NR1I2: variants seen among roughly 807,000 people sequenced by gnomAD.
NR1I2 encodes the protein orphan nuclear receptor PAR1.
In NR1I2, 42 loss-of-function variants were observed where a neutral mutation model predicts 43.3. The observed-to-expected ratio is 0.97, with a 90% CI of 0.76 to 1.26. The LOEUF is 1.26. NR1I2 is among the 50% of genes most tolerant of loss of function. NR1I2 has a pLI of 0.00. For synonymous variants in NR1I2, 229 were observed against 215.0 expected (o/e 1.06, Z -0.57); for missense variants, 559 against 566.7 (o/e 0.99, Z 0.14).
chr3:119,816,510 GTC>G (rs1355253516), intron 8 of NR1I2, among the ~76,000 whole-genome samples: 6 of 152,144 alleles, frequency 3.9e-5, no homozygotes, highest in African/African-American at 1.2e-4. Flanking sequence ...TCCCACGGAA[GTC>G]TCTGTGTACA....
chr3:119,784,688 C>T (rs2054820109), intron 1 of NR1I2, among the ~76,000 whole-genome samples: 1 of 152,160 alleles, frequency 6.6e-6, no homozygotes, highest in African/African-American at 2.4e-5. Context: ...AGTCTTTATT[C>T]ACCTGGCACT....
At chr3:119,810,886 CAT>C (rs756775043) in intron 3 of NR1I2, among the ~76,000 whole-genome samples, 41 of 152,334 alleles carry the variant, frequency 2.7e-4, no homozygotes, top group South Asian at 8.3e-4. Flanking sequence ...GTTCTACACA[CAT>C]GAGTGGGCTC....
chr3:119,782,985 G>A (rs1443380863), intron 1 of NR1I2: 1 of 767,516 alleles, frequency 1.3e-6, no homozygotes, highest in Non-Finnish European at 2.3e-6. Context: ...TATGGCCAGA[G>A]GCACTGCTTT....
At chr3:119,795,228 G>T (rs925475302) in intron 1 of NR1I2, among the ~76,000 whole-genome samples, 3 of 152,174 alleles carry the variant, frequency 2.0e-5, no homozygotes, top group Non-Finnish European at 4.4e-5. Context: ...GAGTCCTTTA[G>T]CAGGGCAAAG....
chr3:119,813,052 G>A lies in NR1I2; in HGVS notation c.794+92G>A. On this transcript the variant is annotated intron_variant, in intron 5 of 8. Coordinates refer to ENST00000393716, the MANE Select transcript of NR1I2 (RefSeq NM_003889.4). ...CCTGGGGTAGATCCTGAATTTGGGG[G>A]ATATTGGTGTCAGAAGACCCTCCTT... The A allele has an allele frequency of 2.9e-6, 4 of 1,403,014 alleles. No homozygotes were observed. The South Asian group carries it at 3.5e-5, about 12-fold the overall frequency. 86.9% of individuals were successfully genotyped at this position (1,403,014 alleles called of 1,614,324 possible).
intron 1 of NR1I2, among the ~76,000 whole-genome samples, chr3:119,802,174 C>T (rs556790309): frequency 7.2e-5 from 11 of 152,156 alleles, no homozygotes; most frequent in Admixed American, 2.0e-4. Flanking sequence ...GGTTCTCTAG[C>T]GGGGGCTTCA....
intron 1 of NR1I2, among the ~76,000 whole-genome samples, chr3:119,787,282 C>T (rs1485439033): frequency 6.7e-6 from 1 of 150,102 alleles, no homozygotes; most frequent in African/African-American, 2.4e-5. Context: ...AGTGAGACTG[C>T]CTCCAAAAAA....
chr3:119,796,114 T>C (rs1375430439), intron 1 of NR1I2, among the ~76,000 whole-genome samples: 1 of 152,212 alleles, frequency 6.6e-6, no homozygotes, highest in Non-Finnish European at 1.5e-5. Context: ...GTTTCTTCTG[T>C]AGGGGGAGGA....
intron 2 of NR1I2, among the ~76,000 whole-genome samples, 196 bp from the exon 3 acceptor site, chr3:119,809,865 C>A (rs2055212961): frequency 6.6e-6 from 1 of 152,190 alleles, no homozygotes; most frequent in Non-Finnish European, 1.5e-5. Flanking sequence ...GCTCTGCCCC[C>A]TCTAGCTGAG....
chr3:119,817,237 C>T lies in NR1I2; in HGVS notation c.*25C>T, dbSNP rs757883561. 15 of 1,612,566 alleles carry T rather than the reference C, an allele frequency of 9.3e-6. No homozygotes were observed. The highest frequency in any genetic ancestry group is 1.7e-4 in the Middle Eastern group (1 of 6,060). ...AGCGGCTGCCCTTGGGTGACACCTC[C>T]GAGAGGCAGCCAGACCCAGAGCCCT... On this transcript the variant is annotated 3_prime_UTR_variant, in exon 9 of 9. Coordinates refer to ENST00000393716, the MANE Select transcript of NR1I2 (RefSeq NM_003889.4).
chr3:119,792,470 G>T, intron 1 of NR1I2: 1 of 1,106,154 alleles, frequency 9.0e-7, no homozygotes. Context: ...AGCTGCAGAG[G>T]ACATCACGTA....
chr3:119,792,125 G>C, intron 1 of NR1I2: 1 of 792,314 alleles, frequency 1.3e-6, no homozygotes, highest in South Asian at 1.4e-5. Flanking sequence ...TCACTAGCCA[G>C]CTTCCTCGCA....
intron 1 of NR1I2, among the ~76,000 whole-genome samples, chr3:119,799,985 AACACAC>A (rs35486268): frequency 7.0e-5 from 10 of 142,400 alleles, no homozygotes; most frequent in Non-Finnish European, 1.2e-4. Context: ...CAAACAAACA[AACACAC>A]ACACACACAC....
chr3:119,815,831 G>C lies in NR1I2; in HGVS notation c.1160G>C (p.Arg387Thr). ...TGCAATCGGCCCCAGCCTGCTCATA[G>C]GTGAGCACAGCAGGGGGTGAGGACC... is the stretch of plus-strand genomic sequence containing the variant. The change falls in exon 8 of 9, where the codon AGG (arginine) becomes ACG (threonine). Residue 387 changes from arginine (R) to threonine (T), a missense_variant and splice_region_variant. Arg to Thr is a moderately conservative substitution (Grantham distance 71). This residue lies in a region of NR1I2 where 323 missense variants were observed against 312.2 expected (regional missense o/e 1.03). Transcript: ENST00000393716. The C allele has an allele frequency of 6.2e-7, 1 of 1,602,190 alleles. No individual in the cohort carries two copies. The highest frequency in any genetic ancestry group is 1.3e-5 in the African/African-American group (1 of 74,876).
At chr3:119,810,923 G>A (rs2055231908) in intron 3 of NR1I2, among the ~76,000 whole-genome samples, 1 of 152,178 alleles carries the variant, frequency 6.6e-6, no homozygotes, top group Non-Finnish European at 1.5e-5. Context: ...AGACCCTAAG[G>A]CTCTGGGCTA....
chr3:119,804,698 T>A (rs6438548), intron 1 of NR1I2, among the ~76,000 whole-genome samples: 11 of 151,708 alleles, frequency 7.3e-5, no homozygotes, highest in African/African-American at 1.2e-4. Context: ...TGCCTGCCTC[T>A]GCCTCCCAAA....
chr3:119,800,649 C>T (rs1469106112), intron 1 of NR1I2, among the ~76,000 whole-genome samples: 1 of 152,124 alleles, frequency 6.6e-6, no homozygotes, highest in Non-Finnish European at 1.5e-5. Context: ...AGGTCTTGAA[C>T]TCCTGGGCTC....
intron 1 of NR1I2, among the ~76,000 whole-genome samples, chr3:119,806,896 C>T (rs987490520): frequency 6.6e-6 from 1 of 152,186 alleles, no homozygotes; most frequent in Admixed American, 6.5e-5. Flanking sequence ...GCCTCCTAAC[C>T]TCAGTCCACT....
At chr3:119,785,928 G>A (rs2054837026) in intron 1 of NR1I2, among the ~76,000 whole-genome samples, 1 of 152,160 alleles carries the variant, frequency 6.6e-6, no homozygotes, top group Non-Finnish European at 1.5e-5. Flanking sequence ...TAGTAAAAGT[G>A]TTTAGTAACT....
Sources: gnomAD v4.1 joint callset for allele counts (sites outside exome capture counted in the v4.1 genomes callset) on GRCh38, gnomAD v4.1.1 for gene constraint, gnomAD v4.1.1 regional missense constraint, MANE v1.5 for transcripts, NCBI Gene and HGNC (gene_info 2026-07-23, HGNC 2026-07-21) for gene names.